The following GPC6 variants were observed in gnomAD, a reference collection of about 807,000 sequenced individuals.
The protein encoded by GPC6 is glypican-6.
Under a neutral mutation model 55.2 loss-of-function variants are expected in GPC6, and 14 were observed. The observed-to-expected ratio is 0.25, with a 90% CI of 0.17 to 0.40. The LOEUF is 0.40. Ranked by LOEUF, GPC6 falls within the 10% of genes least tolerant of loss-of-function variation. The pLI is 1.00. For synonymous variants in GPC6, 278 were observed against 259.6 expected (o/e 1.07, Z -0.68); for missense variants, 641 against 708.5 (o/e 0.90, Z 1.08).
At chr13:94,031,867 T>A (rs1594681009) in intron 4 of GPC6, among the ~76,000 whole-genome samples, 1 of 152,174 alleles carries the variant, frequency 6.6e-6, no homozygotes, top group African/African-American at 2.4e-5. Context: ...AACACAAAAG[T>A]CAAGGCTGAA....
At chr13:94,133,969 A>G (rs1443685933) in intron 4 of GPC6, among the ~76,000 whole-genome samples, 24 of 152,202 alleles carry the variant, frequency 1.6e-4, no homozygotes. Flanking sequence ...AAAACAAGTT[A>G]TTAGGACATT....
intron 3 of GPC6, among the ~76,000 whole-genome samples, chr13:93,928,254 T>G (rs980646660): frequency 1.4e-4 from 21 of 152,164 alleles, no homozygotes; most frequent in African/African-American, 4.8e-4. Flanking sequence ...TAAAATAAAA[T>G]GTTATTTCTT....
At chr13:93,540,606 T>G (rs1416380662) in intron 1 of GPC6, among the ~76,000 whole-genome samples, 1 of 152,214 alleles carries the variant, frequency 6.6e-6, no homozygotes, top group Admixed American at 6.5e-5. Context: ...TAGTGATCTT[T>G]GATACATAAA....
chr13:93,767,763 C>T (rs1885167956), intron 2 of GPC6, among the ~76,000 whole-genome samples: 2 of 152,062 alleles, frequency 1.3e-5, no homozygotes, highest in African/African-American at 4.8e-5. Flanking sequence ...ACCGTCTGGC[C>T]GGCTCAGAGG....
chr13:94,009,620 T>G (rs1431703039), intron 3 of GPC6, among the ~76,000 whole-genome samples: 1 of 152,144 alleles, frequency 6.6e-6, no homozygotes, highest in East Asian at 1.9e-4. Context: ...GGAAATTACC[T>G]CTGTACACGT....
At chr13:93,606,678 C>CA (rs751831251) in intron 2 of GPC6, among the ~76,000 whole-genome samples, 11 of 152,094 alleles carry the variant, frequency 7.2e-5, no homozygotes, top group Non-Finnish European at 1.2e-4. Context: ...TAATTCAATG[C>CA]AAGGAATGAT....
chr13:93,959,416 G>A (rs552173768), intron 3 of GPC6, among the ~76,000 whole-genome samples: 1 of 152,234 alleles, frequency 6.6e-6, no homozygotes, highest in East Asian at 1.9e-4. Context: ...GCCTGTCTTG[G>A]CCTCCCAGTG....
chr13:93,717,975 A>C (rs1010522718), intron 2 of GPC6, among the ~76,000 whole-genome samples: 1 of 151,702 alleles, frequency 6.6e-6, no homozygotes, highest in Non-Finnish European at 1.5e-5. Context: ...ATTCCATGGT[A>C]TATATGTGCC....
At chr13:93,742,697 A>T (rs901824267) in intron 2 of GPC6, among the ~76,000 whole-genome samples, 3 of 152,162 alleles carry the variant, frequency 2.0e-5, no homozygotes, top group African/African-American at 7.2e-5. Flanking sequence ...GTTATCAAAG[A>T]TCATCACACT....
intron 4 of GPC6, among the ~76,000 whole-genome samples, chr13:94,149,789 C>G (rs568645162): frequency 2.0e-5 from 3 of 151,966 alleles, no homozygotes; most frequent in Non-Finnish European, 4.4e-5. Context: ...CCTGCAGAAG[C>G]AGTCACCCCC....
At chr13:93,868,508 G>A (rs1317120159) in intron 3 of GPC6, among the ~76,000 whole-genome samples, 2 of 151,726 alleles carry the variant, frequency 1.3e-5, no homozygotes, top group Non-Finnish European at 2.9e-5. Flanking sequence ...ATTTTTGATA[G>A]CATGTTCCTC....
chr13:93,720,545 T>C (rs560960191), intron 2 of GPC6, among the ~76,000 whole-genome samples: 1 of 152,000 alleles, frequency 6.6e-6, no homozygotes, highest in Admixed American at 6.6e-5. Context: ...TTTTGAAGGG[T>C]TTTTCCTGTC....
intron 1 of GPC6, among the ~76,000 whole-genome samples, chr13:93,383,011 T>C (rs1875244079): frequency 6.6e-6 from 1 of 152,116 alleles, no homozygotes; most frequent in East Asian, 1.9e-4. Context: ...CAATCCATAA[T>C]TGCGGTCTAG....
chr13:94,330,076 G>C lies in GPC6; in HGVS notation c.1152+23953G>C, dbSNP rs142990370. Among the ~76,000 whole-genome samples, 848 of 152,316 alleles carry C rather than the reference G, an allele frequency of 5.6e-3. 10 individuals are homozygous for C. Among genetic ancestry groups the C allele is most frequent in the African/African-American group, 0.02 (815 of 41,556 alleles). On this transcript the variant is annotated intron_variant, in intron 6 of 8. Coordinates refer to ENST00000377047, the MANE Select transcript of GPC6 (RefSeq NM_005708.5). Reference sequence around the variant, plus strand: ...AATTTCACACTGGAACAGAGCAACTGTGCTGCCTGCTTTCTCTGTGTTCCC... The same window carrying C: ...AATTTCACACTGGAACAGAGCAACTCTGCTGCCTGCTTTCTCTGTGTTCCC...
At chr13:93,584,875 A>G (rs1042866552) in intron 2 of GPC6, among the ~76,000 whole-genome samples, 1 of 151,742 alleles carries the variant, frequency 6.6e-6, no homozygotes, top group Non-Finnish European at 1.5e-5. Flanking sequence ...TTTTTTGTAG[A>G]TACTGGGTTT....
At chr13:93,582,246 G>T (rs1182315241) in intron 2 of GPC6, among the ~76,000 whole-genome samples, 2 of 152,144 alleles carry the variant, frequency 1.3e-5, no homozygotes, top group East Asian at 1.9e-4. Context: ...GCCATGTTTG[G>T]TTAGGTTTTT....
chr13:93,673,617 CATT>C (rs1881463322), intron 2 of GPC6, among the ~76,000 whole-genome samples: 1 of 152,016 alleles, frequency 6.6e-6, no homozygotes, highest in South Asian at 2.1e-4. Context: ...TGCATCTTAC[CATT>C]ATTATTATTC....
intron 4 of GPC6, among the ~76,000 whole-genome samples, chr13:94,205,070 T>G (rs1889862973): frequency 1.3e-5 from 2 of 152,232 alleles, no homozygotes; most frequent in African/African-American, 4.8e-5. Flanking sequence ...GGAAGACATA[T>G]GTAATGTGAT....
At chr13:93,623,435 G>GTTTTCTTTTCTTTTC (rs1160238919) in intron 2 of GPC6, among the ~76,000 whole-genome samples, 2 of 89,556 alleles carry the variant, frequency 2.2e-5, no homozygotes, top group Non-Finnish European at 2.6e-5. Context: ...GACAATGGTT[G>GTTTTCTTTTCTTTTC]TTTTCTTTTC....
Sources: gnomAD v4.1 joint callset for allele counts (sites outside exome capture counted in the v4.1 genomes callset) on GRCh38, gnomAD v4.1.1 for gene constraint, MANE v1.5 for transcripts, NCBI Gene and HGNC (gene_info 2026-07-23, HGNC 2026-07-21) for gene names.